Variants in HPSE2 observed in about 807,000 individuals in gnomAD.
The protein encoded by HPSE2 is heparanase 2 (inactive), also known as inactive heparanase-2.
A neutral mutation model predicts 60.5 loss-of-function variants in HPSE2; 38 were observed. The observed-to-expected ratio is 0.63, with a 90% CI of 0.48 to 0.82. The LOEUF (loss-of-function observed/expected upper bound fraction) is 0.82. HPSE2 is among the 40% of genes least tolerant of loss of function. The probability of loss-of-function intolerance (pLI) is 0.00; values close to 1 mark genes in which losing one functional copy is unlikely to be tolerated. For synonymous variants in HPSE2, 295 were observed against 293.2 expected, an observed-to-expected ratio of 1.01 and a Z score of -0.06; for missense variants, 713 against 740.4, an observed-to-expected ratio of 0.96 and a Z score of 0.43.
At chr10:99,096,963 G>A (rs751878860) in intron 3 of HPSE2, among the ~76,000 whole-genome samples, 1 of 152,136 alleles carries the variant, frequency 6.6e-6, no homozygotes, top group African/African-American at 2.4e-5. Flanking sequence ...TGCCAGACAG[G>A]GTGGACCACT....
At chr10:98,942,967 A>G (rs982757583) in intron 3 of HPSE2, among the ~76,000 whole-genome samples, 4 of 151,486 alleles carry the variant, frequency 2.6e-5, no homozygotes, top group African/African-American at 9.7e-5. Context: ...CATTCTCAGT[A>G]AACTATCGCA....
chr10:98,945,389 T>A (rs528853068), intron 3 of HPSE2, among the ~76,000 whole-genome samples: 1 of 152,286 alleles, frequency 6.6e-6, no homozygotes, highest in South Asian at 2.1e-4. Context: ...TCACATTTGA[T>A]CTGCTGATAG....
chr10:98,675,273 T>TCA (rs1947607326), intron 6 of HPSE2, among the ~76,000 whole-genome samples: 1 of 152,124 alleles, frequency 6.6e-6, no homozygotes, highest in African/African-American at 2.4e-5. Flanking sequence ...TTCTAAAAGA[T>TCA]CACTCTATTT....
chr10:99,276,114 A>G, the HPSE2 span, among the ~76,000 whole-genome samples: 1 of 152,210 alleles, frequency 6.6e-6, no homozygotes, highest in Non-Finnish European at 1.5e-5. Context: ...GCCTGTAGTA[A>G]ATGCCCAATA....
Position 98,620,718 on chromosome 10 carries a change from C to T in HPSE2, c.1099-10G>A, listed in dbSNP as rs1946050429. On this transcript the variant is annotated splice_polypyrimidine_tract_variant and intron_variant, in intron 7 of 11. Transcript: ENST00000370552. ...TGTATGTATTAACCACCTGTTTACA[C>T]AACAAAAGCAGAAGGGGATAACGAG... 4 of 1,580,792 alleles carry T rather than the reference C, an allele frequency of 2.5e-6. No individual in the cohort carries two copies. Among genetic ancestry groups the T allele is most frequent in the East Asian group, 2.2e-5 (1 of 44,702 alleles).
chr10:98,696,100 G>A (rs1437968533), intron 5 of HPSE2, among the ~76,000 whole-genome samples: 1 of 151,832 alleles, frequency 6.6e-6, no homozygotes, highest in African/African-American at 2.4e-5. Flanking sequence ...CTCCTTCTCA[G>A]ATATTCCAAA....
the HPSE2 span, among the ~76,000 whole-genome samples, chr10:99,283,605 G>C: frequency 6.6e-6 from 1 of 151,384 alleles, no homozygotes; most frequent in Non-Finnish European, 1.5e-5. Flanking sequence ...AAACCTTTAG[G>C]CAAATTAACT....
At chr10:98,712,089 GA>G in intron 5 of HPSE2, among the ~76,000 whole-genome samples, 1 of 152,062 alleles carries the variant, frequency 6.6e-6, no homozygotes, top group East Asian at 1.9e-4. Context: ...GGAAAAACTG[GA>G]AAATAAGAAA....
chr10:98,911,790 C>T (rs961085294), intron 3 of HPSE2, among the ~76,000 whole-genome samples: 8 of 151,942 alleles, frequency 5.3e-5, no homozygotes, highest in East Asian at 1.9e-4. Flanking sequence ...AATGAGATAA[C>T]GGTGGGGATG....
chr10:98,777,131 T>G (rs2134439244), intron 3 of HPSE2, among the ~76,000 whole-genome samples: 1 of 152,278 alleles, frequency 6.6e-6, no homozygotes, highest in South Asian at 2.1e-4. Flanking sequence ...AGTAGACAAC[T>G]TTCATGTTAC....
At chr10:98,638,078 T>C (rs2134026646) in intron 7 of HPSE2, among the ~76,000 whole-genome samples, 1 of 137,696 alleles carries the variant, frequency 7.3e-6, no homozygotes, top group South Asian at 2.3e-4. Context: ...AGGCTGAGGT[T>C]CAGTGAGCTG....
At chr10:99,070,616 G>C (rs564927969) in intron 3 of HPSE2, among the ~76,000 whole-genome samples, 6 of 152,126 alleles carry the variant, frequency 3.9e-5, no homozygotes, top group Non-Finnish European at 5.9e-5. Context: ...TATTCATCTT[G>C]TATAACTGAA....
At chr10:98,800,481 AT>A (rs1426295690) in intron 3 of HPSE2, among the ~76,000 whole-genome samples, 5 of 147,906 alleles carry the variant, frequency 3.4e-5, no homozygotes, top group African/African-American at 1.2e-4. Context: ...TAAAATGTAT[AT>A]TTATACAATA....
chr10:99,228,498 G>T (rs2862533), intron 2 of HPSE2, among the ~76,000 whole-genome samples: 3,093 of 152,100 alleles, frequency 0.02, 115 homozygotes, highest in East Asian at 0.16. Flanking sequence ...TACAAAGAGG[G>T]GAAGACTGGA....
chr10:98,527,501 T>G (rs1359100009), intron 9 of HPSE2, among the ~76,000 whole-genome samples: 1 of 152,162 alleles, frequency 6.6e-6, no homozygotes, highest in Non-Finnish European at 1.5e-5. Flanking sequence ...GTGCTTCCTC[T>G]AGCTCCTCAA....
chr10:99,270,003 A>G, the HPSE2 span, among the ~76,000 whole-genome samples: 2 of 152,228 alleles, frequency 1.3e-5, no homozygotes, highest in Non-Finnish European at 2.9e-5. Context: ...AGGTCATAGC[A>G]GCCTTAAATG....
intron 9 of HPSE2, among the ~76,000 whole-genome samples, chr10:98,571,786 G>A (rs1004195007): frequency 7.2e-5 from 11 of 152,180 alleles, no homozygotes; most frequent in African/African-American, 1.4e-4. Flanking sequence ...ACTGCTAGGC[G>A]AGGGAGGGTC....
At chr10:98,586,983 A>T (rs1944958212) in intron 9 of HPSE2, among the ~76,000 whole-genome samples, 1 of 152,216 alleles carries the variant, frequency 6.6e-6, no homozygotes, top group African/African-American at 2.4e-5. Flanking sequence ...TGTCTTCTTA[A>T]GTAAATATGA....
intron 9 of HPSE2, among the ~76,000 whole-genome samples, chr10:98,583,796 A>G (rs1944867372): frequency 6.6e-6 from 1 of 152,210 alleles, no homozygotes; most frequent in Non-Finnish European, 1.5e-5. Flanking sequence ...TTCATATAGC[A>G]TAATTTTTTA....
Sources: gnomAD v4.1 joint callset for allele counts (sites outside exome capture counted in the v4.1 genomes callset) on GRCh38, gnomAD v4.1.1 for gene constraint, MANE v1.5 for transcripts, NCBI Gene and HGNC (gene_info 2026-07-23, HGNC 2026-07-21) for gene names.